Variants in LMNTD1 observed in about 807,000 individuals in gnomAD.
LMNTD1 encodes lamin tail domain-containing protein 1.
In LMNTD1, 35 loss-of-function variants were observed where a neutral mutation model predicts 50.9. The ratio of observed to expected loss-of-function variants is 0.69; its 90% confidence interval spans 0.53 to 0.91. The LOEUF (loss-of-function observed/expected upper bound fraction) is 0.91. Ranked by LOEUF, LMNTD1 falls within the 40% of genes least tolerant of loss-of-function variation. The pLI, the probability that LMNTD1 is intolerant of heterozygous loss-of-function variation, is 0.00. For missense variants in LMNTD1, 470 were observed against 475.5 expected (o/e 0.99, Z 0.11); for synonymous variants, 153 against 161.9 (o/e 0.94, Z 0.42).
chr12:25,587,514 C>T (rs1470919662), intron 1 of LMNTD1, among the ~76,000 whole-genome samples: 1 of 152,190 alleles, frequency 6.6e-6, no homozygotes, highest in East Asian at 1.9e-4. Context: ...TGAGAACTCA[C>T]TCACTCTTGT....
intron 4 of LMNTD1, among the ~76,000 whole-genome samples, chr12:25,544,307 T>C (rs1177380221): frequency 6.6e-6 from 1 of 151,882 alleles, no homozygotes; most frequent in Non-Finnish European, 1.5e-5. Flanking sequence ...GACCCCTTTA[T>C]CATTATATAG....
At chr12:25,628,277 G>A (rs11048133) in intron 1 of LMNTD1, among the ~76,000 whole-genome samples, 2,850 of 151,216 alleles carry the variant, frequency 0.019, 93 homozygotes, top group African/African-American at 0.066. Context: ...TTTATGTTTC[G>A]GAATAGAATT....
intron 1 of LMNTD1, among the ~76,000 whole-genome samples, chr12:25,627,847 C>T (rs1032810954): frequency 3.3e-5 from 5 of 152,018 alleles, no homozygotes; most frequent in East Asian, 1.9e-4. Context: ...CGGTGGCTCA[C>T]GCCTGTAATC....
chr12:25,544,705 T>G (rs1943312921), intron 4 of LMNTD1, among the ~76,000 whole-genome samples: 1 of 151,784 alleles, frequency 6.6e-6, no homozygotes, highest in Admixed American at 6.6e-5. Context: ...TTATTTTTTG[T>G]GAATCTATTA....
chr12:25,625,195 T>C (rs1565525955), intron 1 of LMNTD1, among the ~76,000 whole-genome samples: 4 of 152,182 alleles, frequency 2.6e-5, no homozygotes, highest in African/African-American at 7.2e-5. Context: ...TGAGTAATAA[T>C]ATGACTATGA....
intron 1 of LMNTD1, among the ~76,000 whole-genome samples, chr12:25,625,137 T>A (rs770772219): frequency 6.6e-5 from 10 of 152,186 alleles, no homozygotes; most frequent in Non-Finnish European, 1.3e-4. Flanking sequence ...TTTCACCTAC[T>A]CCTCATTTTT....
intron 9 of LMNTD1, among the ~76,000 whole-genome samples, chr12:25,502,240 T>C (rs1229298741): frequency 1.3e-5 from 2 of 152,204 alleles, no homozygotes; most frequent in Non-Finnish European, 2.9e-5. Flanking sequence ...CCCCCTTTTT[T>C]TTTGTATACA....
chr12:25,479,856 G>A (rs561298099), intron 9 of LMNTD1, among the ~76,000 whole-genome samples: 1 of 152,164 alleles, frequency 6.6e-6, no homozygotes, highest in Non-Finnish European at 1.5e-5. Context: ...GCCATATCAA[G>A]GGCTCAATGT....
chr12:25,501,653 A>G (rs114612665), intron 9 of LMNTD1, among the ~76,000 whole-genome samples: 95 of 152,290 alleles, frequency 6.2e-4, no homozygotes, highest in African/African-American at 2.2e-3. Flanking sequence ...TAAACTGGAG[A>G]TAGTATCAGC....
intron 4 of LMNTD1, among the ~76,000 whole-genome samples, chr12:25,543,206 T>A (rs1328174851): frequency 6.6e-6 from 1 of 151,724 alleles, no homozygotes; most frequent in African/African-American, 2.4e-5. Flanking sequence ...TGAAAAAAAA[T>A]TACTTCTACA....
intron 1 of LMNTD1, chr12:25,630,497 C>G (rs780323880): frequency 6.6e-6 from 1 of 152,208 alleles, no homozygotes; most frequent in Non-Finnish European, 1.5e-5. Flanking sequence ...TACTGAGTGT[C>G]CCAAATGCAA....
At chr12:25,533,360 C>T (rs1285374454) in intron 4 of LMNTD1, among the ~76,000 whole-genome samples, 2 of 152,164 alleles carry the variant, frequency 1.3e-5, no homozygotes, top group Non-Finnish European at 1.5e-5. Context: ...GTAGCCTTTG[C>T]ACAGTCTCTA....
intron 1 of LMNTD1, among the ~76,000 whole-genome samples, chr12:25,605,850 G>T (rs1565515248): frequency 6.6e-6 from 1 of 152,162 alleles, no homozygotes; most frequent in Non-Finnish European, 1.5e-5. Flanking sequence ...CTTTAAAGTA[G>T]TTTTTTCCAA....
At chr12:25,597,631 A>G (rs1945871419) in intron 1 of LMNTD1, among the ~76,000 whole-genome samples, 1 of 152,126 alleles carries the variant, frequency 6.6e-6, no homozygotes, top group Admixed American at 6.6e-5. Context: ...CTTGATATAC[A>G]CTATAGGCCA....
At chr12:25,543,510 T>G (rs1943232848) in intron 4 of LMNTD1, among the ~76,000 whole-genome samples, 1 of 152,034 alleles carries the variant, frequency 6.6e-6, no homozygotes, top group African/African-American at 2.4e-5. Context: ...AGAAAGTATT[T>G]GATACAATCC....
intron 1 of LMNTD1, among the ~76,000 whole-genome samples, chr12:25,596,284 C>T (rs995402354): frequency 7.2e-5 from 11 of 151,954 alleles, no homozygotes; most frequent in African/African-American, 2.7e-4. Flanking sequence ...AAGAAAACTA[C>T]AGGTCAATAT....
intron 1 of LMNTD1, among the ~76,000 whole-genome samples, chr12:25,603,423 T>C (rs2136513047): frequency 6.6e-6 from 1 of 152,166 alleles, no homozygotes; most frequent in South Asian, 2.1e-4. Context: ...ATAAACACTT[T>C]CTTACAGAAC....
intron 1 of LMNTD1, among the ~76,000 whole-genome samples, chr12:25,604,324 T>C (rs1946046465): frequency 6.6e-6 from 1 of 152,040 alleles, no homozygotes; most frequent in Non-Finnish European, 1.5e-5. Context: ...TTAAAAATCA[T>C]GGTTCTTTAT....
At chr12:25,583,620 T>G (rs576080718) in intron 1 of LMNTD1, among the ~76,000 whole-genome samples, 5 of 152,352 alleles carry the variant, frequency 3.3e-5, no homozygotes, top group African/African-American at 9.6e-5. Context: ...TATTTTGTCC[T>G]TGTAATCTTG....
Sources: allele counts gnomAD v4.1 joint callset (sites outside exome capture counted in the v4.1 genomes callset), GRCh38; gene constraint gnomAD v4.1.1; transcripts MANE v1.5; gene names NCBI Gene and HGNC (gene_info 2026-07-23, HGNC 2026-07-21).